TPRG1: variants seen among roughly 807,000 people sequenced by gnomAD.
TPRG1 encodes the protein tumor protein p63-regulated gene 1 protein.
TPRG1 carries 29 observed loss-of-function variants against 29.3 expected under a neutral mutation model. That is an observed-to-expected ratio of 0.99 (90% confidence interval 0.74 to 1.35). The LOEUF is 1.35. Ranked by LOEUF, TPRG1 falls within the 40% of genes most tolerant of loss-of-function variation. The pLI is 0.00. For missense variants in TPRG1, 327 were observed against 335.0 expected (o/e 0.98, Z 0.19); for synonymous variants, 130 against 116.8 (o/e 1.11, Z -0.73).
At chr3:189,129,037 C>A (rs1722811704) in intron 2 of TPRG1, among the ~76,000 whole-genome samples, 1 of 152,208 alleles carries the variant, frequency 6.6e-6, no homozygotes, top group Non-Finnish European at 1.5e-5. Context: ...ATGTTAACAT[C>A]TTATCTACCC....
chr3:189,165,569 C>T (rs1002482860), intron 5 of TPRG1, among the ~76,000 whole-genome samples: 1 of 151,802 alleles, frequency 6.6e-6, no homozygotes, highest in Non-Finnish European at 1.5e-5. Context: ...GGCAGGTGTC[C>T]AGGGACCTGC....
intron 4 of TPRG1, among the ~76,000 whole-genome samples, chr3:189,264,718 G>A (rs1713756251): frequency 6.6e-6 from 1 of 152,122 alleles, no homozygotes; most frequent in South Asian, 2.1e-4. Flanking sequence ...TAGATAGGAG[G>A]TAAGGTGAGA....
chr3:189,206,706 G>T (rs1459945176), intron 1 of TPRG1, among the ~76,000 whole-genome samples: 2 of 151,850 alleles, frequency 1.3e-5, no homozygotes, highest in Non-Finnish European at 2.9e-5. Context: ...TCGCCATGTT[G>T]CCCAGGCTGG....
intron 1 of TPRG1, among the ~76,000 whole-genome samples, chr3:189,114,106 C>T (rs1578399817): frequency 6.6e-6 from 1 of 152,062 alleles, no homozygotes; most frequent in South Asian, 2.1e-4. Flanking sequence ...CCCCTTATTA[C>T]ATGAGGGAGC....
At chr3:189,264,980 G>A (rs1713802996) in intron 4 of TPRG1, among the ~76,000 whole-genome samples, 1 of 152,148 alleles carries the variant, frequency 6.6e-6, no homozygotes, top group African/African-American at 2.4e-5. Context: ...ATAAGCACAG[G>A]GGTAAGACAA....
At chr3:189,154,881 GGGGTGT>G (rs1726456008) in intron 5 of TPRG1, among the ~76,000 whole-genome samples, 1 of 152,212 alleles carries the variant, frequency 6.6e-6, no homozygotes, top group Non-Finnish European at 1.5e-5. Flanking sequence ...TGAGTGGGTT[GGGGTGT>G]GGTGGCTATA....
At chr3:189,232,758 G>A (rs766217326) in intron 3 of TPRG1, among the ~76,000 whole-genome samples, 3 of 152,098 alleles carry the variant, frequency 2.0e-5, no homozygotes, top group Non-Finnish European at 4.4e-5. Context: ...TACTTTGAGA[G>A]TCCTCTATTT....
At chr3:189,087,416 A>T (rs1287822738) in intron 4 of TPRG1, among the ~76,000 whole-genome samples, 1 of 152,226 alleles carries the variant, frequency 6.6e-6, no homozygotes, top group East Asian at 1.9e-4. Flanking sequence ...GCCCTTTGTC[A>T]GATGAGTAGG....
At chr3:189,035,316 C>T (rs1185388574) in intron 4 of TPRG1, among the ~76,000 whole-genome samples, 2 of 152,116 alleles carry the variant, frequency 1.3e-5, no homozygotes, top group African/African-American at 4.8e-5. Flanking sequence ...AAATGTAAGA[C>T]CTCAAACTAT....
At chr3:189,037,052 A>G (rs1714315686) in intron 4 of TPRG1, among the ~76,000 whole-genome samples, 1 of 151,124 alleles carries the variant, frequency 6.6e-6, no homozygotes, top group African/African-American at 2.4e-5. Flanking sequence ...CGAAACAAAT[A>G]TTTAAAAAAA....
At chr3:189,155,300 T>C (rs1726519093) in intron 5 of TPRG1, among the ~76,000 whole-genome samples, 1 of 152,008 alleles carries the variant, frequency 6.6e-6, no homozygotes. Context: ...ATTAAGTAAG[T>C]GATAATAGAG....
chr3:189,165,702 CT>C (rs879687994), intron 5 of TPRG1, among the ~76,000 whole-genome samples: 8 of 151,934 alleles, frequency 5.3e-5, no homozygotes, highest in Non-Finnish European at 1.0e-4. Context: ...TTGATTCAGG[CT>C]GCTCACTGCA....
chr3:189,142,471 T>C (rs993566952), intron 3 of TPRG1, among the ~76,000 whole-genome samples: 1 of 152,116 alleles, frequency 6.6e-6, no homozygotes, highest in Non-Finnish European at 1.5e-5. Context: ...CGATGGGTGG[T>C]TCAGTTAAAT....
intron 4 of TPRG1, among the ~76,000 whole-genome samples, chr3:189,048,899 G>T (rs1457995980): frequency 2.0e-5 from 3 of 152,168 alleles, no homozygotes; most frequent in Admixed American, 1.3e-4. Context: ...TCTGTTTGCA[G>T]GAGAAGTTTC....
chr3:189,054,702 A>T (rs1030096545), intron 4 of TPRG1, among the ~76,000 whole-genome samples: 1 of 151,942 alleles, frequency 6.6e-6, no homozygotes, highest in Non-Finnish European at 1.5e-5. Flanking sequence ...GGATCACTTG[A>T]GCCCAGGGTA....
rs149799613 is a variant in TPRG1, at chr3:189,153,937, C to T, written c.-10+3065C>T. On this transcript the variant is annotated intron_variant, in intron 5 of 6. Coordinates refer to the TPRG1 transcript ENST00000412373. ...GGGTTTTTAAGCAATAATTGCTGGC[C>T]AGGACAGCATTTTGACTGGATGCCA... Among the ~76,000 whole-genome samples, 575 of 152,286 alleles carry T rather than the reference C, an allele frequency of 3.8e-3. 1 individual carries two copies. The highest frequency in any genetic ancestry group is 0.012 in the African/African-American group (492 of 41,566).
At chr3:189,186,985 G>GTTTTTTTTTTTTTTTTTTTT (rs397875585) in intron 1 of TPRG1, among the ~76,000 whole-genome samples, 1 of 88,950 alleles carries the variant, frequency 1.1e-5, no homozygotes, top group African/African-American at 4.4e-5. Context: ...CATCTAAAGT[G>GTTTTTTTTTTTTTTTTTTTT]TTTTTTTTTT....
chr3:189,052,573 C>T (rs964378758), intron 4 of TPRG1, among the ~76,000 whole-genome samples: 1 of 152,182 alleles, frequency 6.6e-6, no homozygotes, highest in Admixed American at 6.5e-5. Context: ...CCATTTGATC[C>T]AGCAATCCCA....
At chr3:189,222,878 C>G (rs998478694) in intron 3 of TPRG1, among the ~76,000 whole-genome samples, 1 of 152,212 alleles carries the variant, frequency 6.6e-6, no homozygotes, top group African/African-American at 2.4e-5. Flanking sequence ...TGCACTCATC[C>G]CATTTCCTCT....
Sources: allele counts gnomAD v4.1 joint callset (sites outside exome capture counted in the v4.1 genomes callset), GRCh38; gene constraint gnomAD v4.1.1; transcripts MANE v1.5; gene names NCBI Gene and HGNC (gene_info 2026-07-23, HGNC 2026-07-21).